The following TAPT1 variants were observed in gnomAD, a reference collection of about 807,000 sequenced individuals.
TAPT1 encodes the protein transmembrane anterior posterior transformation protein 1 homolog.
TAPT1 carries 28 observed loss-of-function variants against 65.6 expected under a neutral mutation model. The ratio of observed to expected loss-of-function variants is 0.43; its 90% CI spans 0.32 to 0.59. TAPT1 has a LOEUF of 0.59. Among genes scored for constraint, TAPT1 ranks in the 20% least tolerant of loss-of-function variants. TAPT1 has a pLI of 0.09. For synonymous variants in TAPT1, 278 were observed against 245.2 expected (o/e 1.13, Z -1.25); for missense variants, 563 against 679.9 (o/e 0.83, Z 1.91).
chr4:16,173,268 T>A (rs1748119241), intron 11 of TAPT1, among the ~76,000 whole-genome samples: 1 of 152,102 alleles, frequency 6.6e-6, no homozygotes, highest in Admixed American at 6.5e-5. Context: ...GCTAAACAAA[T>A]CGTCTTAATT....
At chr4:16,186,658 G>C (rs1749035981) in intron 6 of TAPT1, 54 bp from the exon 7 acceptor site, 1 of 1,401,562 alleles carries the variant, frequency 7.1e-7, no homozygotes, top group Non-Finnish European at 9.8e-7. Flanking sequence ...TTAAAAACTG[G>C]ACTTGCTACT....
intron 7 of TAPT1, among the ~76,000 whole-genome samples, chr4:16,180,565 C>A (rs962169836): frequency 6.6e-6 from 1 of 152,164 alleles, no homozygotes; most frequent in Non-Finnish European, 1.5e-5. Flanking sequence ...AGCCATGGCG[C>A]ACCTCCTGTA....
chr4:16,191,337 G>T (rs1327107089), intron 4 of TAPT1, 24 bp downstream of exon 4: 1 of 1,585,030 alleles, frequency 6.3e-7, no homozygotes. Flanking sequence ...GGCCAGGCCT[G>T]TGCGGGGTAA....
chr4:16,166,655 C>T lies in TAPT1; in HGVS notation c.1452G>A (p.Gln484=). 5 of 1,613,990 alleles carry T rather than the reference C, an allele frequency of 3.1e-6. No individual in the cohort carries two copies. Among genetic ancestry groups the T allele is most frequent in the Non-Finnish European group, 4.2e-6 (5 of 1,179,882 alleles). Residue 484 remains glutamine (Q), a synonymous_variant, in exon 13 of 14, where the codon CAG becomes CAA. Transcript: ENST00000405303. ...CTPGKPSSKS[Q]NKCKPSQGLS... ...TACCTTGAGAGGGTTTACATTTGTT[C>T]TGTGATTTACTGGACGGCTTGCCTG...
At chr4:16,219,988 C>T (rs533472899) in intron 1 of TAPT1, among the ~76,000 whole-genome samples, 1 of 152,320 alleles carries the variant, frequency 6.6e-6, no homozygotes, top group South Asian at 2.1e-4. Flanking sequence ...CCAGAGCCAT[C>T]GAGTTAGCCT....
At chr4:16,211,975 C>T (rs958852166) in intron 2 of TAPT1, among the ~76,000 whole-genome samples, 3 of 152,136 alleles carry the variant, frequency 2.0e-5, no homozygotes, top group Non-Finnish European at 4.4e-5. Context: ...AAATCTACCC[C>T]AAAACATTGC....
At chr4:16,223,269 C>T (rs983263628) in intron 1 of TAPT1, among the ~76,000 whole-genome samples, 2 of 152,210 alleles carry the variant, frequency 1.3e-5, no homozygotes, top group Non-Finnish European at 2.9e-5. Context: ...TATGGCTATA[C>T]AGAAACTCTC....
chr4:16,182,635 C>T (rs987266469), intron 7 of TAPT1, among the ~76,000 whole-genome samples: 9 of 152,178 alleles, frequency 5.9e-5, no homozygotes, highest in Admixed American at 2.6e-4. Flanking sequence ...TAAGCTTACT[C>T]CAGACAACCT....
chr4:16,225,288 C>CA (rs1157287379), intron 1 of TAPT1, among the ~76,000 whole-genome samples: 1 of 152,218 alleles, frequency 6.6e-6, no homozygotes. Context: ...TTTCAGTACT[C>CA]AAGTACAATC....
At chr4:16,218,513 A>G (rs1373228126) in intron 1 of TAPT1, among the ~76,000 whole-genome samples, 2 of 152,368 alleles carry the variant, frequency 1.3e-5, no homozygotes, top group East Asian at 3.9e-4. Flanking sequence ...TCCACAGAAG[A>G]GCATGGGATT....
chr4:16,193,294 T>C (rs1241956095), intron 3 of TAPT1, among the ~76,000 whole-genome samples: 1 of 152,158 alleles, frequency 6.6e-6, no homozygotes, highest in African/African-American at 2.4e-5. Context: ...TGACTTAAGA[T>C]GGGTATGAAA....
chr4:16,188,044 T>C (rs1197041253), intron 5 of TAPT1, among the ~76,000 whole-genome samples, 176 bp downstream of exon 5: 3 of 152,238 alleles, frequency 2.0e-5, no homozygotes, highest in Non-Finnish European at 4.4e-5. Flanking sequence ...ATGAGGCTCT[T>C]AAATTAGTTA....
At chr4:16,219,251 C>T (rs1379966229) in intron 1 of TAPT1, among the ~76,000 whole-genome samples, 1 of 152,164 alleles carries the variant, frequency 6.6e-6, no homozygotes, top group Non-Finnish European at 1.5e-5. Flanking sequence ...GATAGCTTTG[C>T]CTATTATTGC....
intron 3 of TAPT1, among the ~76,000 whole-genome samples, chr4:16,200,082 T>C (rs1749944231): frequency 6.6e-6 from 1 of 152,170 alleles, no homozygotes; most frequent in Non-Finnish European, 1.5e-5. Context: ...GTATACCTCA[T>C]ACGTGTGCTA....
intron 1 of TAPT1, among the ~76,000 whole-genome samples, chr4:16,219,142 G>C (rs1751108295): frequency 6.6e-6 from 1 of 152,132 alleles, no homozygotes; most frequent in African/African-American, 2.4e-5. Context: ...AAGGCCCAGA[G>C]AGGCTAAGGA....
chr4:16,186,636 G>C (rs1170532645), intron 6 of TAPT1, 32 bp from the exon 7 acceptor site: 1 of 1,454,046 alleles, frequency 6.9e-7, no homozygotes, highest in Non-Finnish European at 9.4e-7. Context: ...CCATCTTTAT[G>C]ATTATAACAG....
At chr4:16,188,452 T>C in intron 4 of TAPT1, 97 bp from the exon 5 acceptor site, 1 of 957,140 alleles carries the variant, frequency 1.0e-6, no homozygotes, top group Admixed American at 3.2e-5. Flanking sequence ...ATCTGTGTTT[T>C]AAATCCTAGT....
chr4:16,174,967 TAAATATCC>T (rs1748233275), intron 9 of TAPT1: 5 of 327,660 alleles, frequency 1.5e-5, no homozygotes, highest in African/African-American at 4.3e-5. Context: ...TAAAGGGGAA[TAAATATCC>T]AACGACTATG....
In TAPT1 at chr4:16,207,728, C is replaced by T. The variant is rs1750428472; in HGVS notation, c.331-5148G>A. On this transcript the variant is annotated intron_variant, in intron 2 of 13. Coordinates refer to ENST00000405303, the MANE Select transcript of TAPT1 (RefSeq NM_153365.3). ...ATTCCCCTGTATGACAGTAACCCTT[C>T]CCCCTTTCAACAATAATAGTCTATG... is the stretch of plus-strand genomic sequence containing the variant. Among the ~76,000 whole-genome samples, 3 of 152,308 alleles carry T rather than the reference C, an allele frequency of 2.0e-5. 1 individual carries two copies. In the South Asian group the frequency reaches 6.2e-4, roughly 32 times the overall value.
Sources: gnomAD v4.1 joint callset for allele counts (sites outside exome capture counted in the v4.1 genomes callset) on GRCh38, gnomAD v4.1.1 for gene constraint, MANE v1.5 for transcripts, NCBI Gene and HGNC (gene_info 2026-07-23, HGNC 2026-07-21) for gene names.